HEMK2: variants seen among roughly 807,000 people sequenced by gnomAD.
HEMK2 encodes the protein methyltransferase HEMK2.
chr21:28,733,278 CA>C, the HEMK2 span, among the ~76,000 whole-genome samples: 1 of 152,116 alleles, frequency 6.6e-6, no homozygotes, highest in Non-Finnish European at 1.5e-5. Flanking sequence ...GACTCCGTCT[CA>C]AAAAACAAAC....
At chr21:28,756,284 C>T in the HEMK2 span, among the ~76,000 whole-genome samples, 12 of 152,194 alleles carry the variant, frequency 7.9e-5, no homozygotes, top group Non-Finnish European at 1.5e-4. Flanking sequence ...AGTGGTTTAA[C>T]TTCCAATCTC....
chr21:28,662,001 A>T, the HEMK2 span, among the ~76,000 whole-genome samples: 33 of 152,284 alleles, frequency 2.2e-4, no homozygotes, highest in South Asian at 6.4e-3. Context: ...TTGTTAACTA[A>T]GTATACATTT....
At chr21:28,684,018 C>T in the HEMK2 span, among the ~76,000 whole-genome samples, 2 of 152,126 alleles carry the variant, frequency 1.3e-5, no homozygotes, top group Non-Finnish European at 2.9e-5. Flanking sequence ...CAATAGACAC[C>T]AACATAAGCA....
the HEMK2 span, among the ~76,000 whole-genome samples, chr21:28,671,904 A>C: frequency 6.6e-6 from 1 of 152,274 alleles, no homozygotes; most frequent in Non-Finnish European, 1.5e-5. Context: ...AAAACCTTTA[A>C]TCCAATATAT....
chr21:28,871,423 C>T, the HEMK2 span, among the ~76,000 whole-genome samples: 1 of 152,158 alleles, frequency 6.6e-6, no homozygotes, highest in African/African-American at 2.4e-5. Flanking sequence ...CTCACTATCA[C>T]GACAACAGCA....
the HEMK2 span, among the ~76,000 whole-genome samples, chr21:28,753,515 G>A: frequency 6.6e-6 from 1 of 152,116 alleles, no homozygotes; most frequent in Non-Finnish European, 1.5e-5. Flanking sequence ...GTCATTATGG[G>A]AGCAGAAGGA....
At chr21:28,838,974 T>TAA in the HEMK2 span, among the ~76,000 whole-genome samples, 1 of 20,242 alleles carries the variant, frequency 4.9e-5, no homozygotes, top group South Asian at 1.8e-3. Flanking sequence ...AAAAAAAAAA[T>TAA]ATATATATAT....
the HEMK2 span, among the ~76,000 whole-genome samples, chr21:28,820,832 G>A: frequency 1.3e-5 from 2 of 152,066 alleles, no homozygotes; most frequent in Non-Finnish European, 2.9e-5. Context: ...TAAAAATGTG[G>A]GGAAGCTGAA....
the HEMK2 span, among the ~76,000 whole-genome samples, chr21:28,600,059 T>A: frequency 6.6e-6 from 1 of 152,216 alleles, no homozygotes; most frequent in South Asian, 2.1e-4. Context: ...CTGTGACTTT[T>A]CCAGGTGCAC....
At chr21:28,814,055 G>A in the HEMK2 span, among the ~76,000 whole-genome samples, 1 of 152,200 alleles carries the variant, frequency 6.6e-6, no homozygotes, top group East Asian at 1.9e-4. Flanking sequence ...GGCCAACATG[G>A]TGAAACCCCA....
chr21:28,641,725 A>G, the HEMK2 span, among the ~76,000 whole-genome samples: 12,670 of 152,290 alleles, frequency 0.083, 740 homozygotes, highest in South Asian at 0.16. Flanking sequence ...TTTTGCACAC[A>G]TAAGTGAAGC....
chr21:28,723,097 A>C, the HEMK2 span, among the ~76,000 whole-genome samples: 6 of 151,312 alleles, frequency 4.0e-5, no homozygotes, highest in Admixed American at 6.6e-5. Context: ...GCAGCCTCCA[A>C]CTCCTGGGCA....
the HEMK2 span, among the ~76,000 whole-genome samples, chr21:28,877,529 A>G: frequency 1.0e-5 from 1 of 99,886 alleles, no homozygotes; most frequent in African/African-American, 4.0e-5. Context: ...AAAAGAAAAG[A>G]GAAGAGAAGA....
the HEMK2 span, among the ~76,000 whole-genome samples, chr21:28,687,332 C>T: frequency 6.6e-6 from 1 of 152,216 alleles, no homozygotes; most frequent in African/African-American, 2.4e-5. Flanking sequence ...GACACACCGT[C>T]TCTTTGGACC....
chr21:28,709,031 C>T, the HEMK2 span, among the ~76,000 whole-genome samples: 10 of 152,136 alleles, frequency 6.6e-5, no homozygotes, highest in Non-Finnish European at 1.2e-4. Flanking sequence ...TTCCAGGTTG[C>T]AGACTGTCAT....
At chr21:28,868,880 T>C in the HEMK2 span, among the ~76,000 whole-genome samples, 23 of 152,288 alleles carry the variant, frequency 1.5e-4, no homozygotes, top group South Asian at 4.6e-3. Context: ...CCTCTTATTA[T>C]AATAAGTCAG....
the HEMK2 span, among the ~76,000 whole-genome samples, chr21:28,760,876 T>C: frequency 0.082 from 12,433 of 152,186 alleles, 1,162 homozygotes; most frequent in African/African-American, 0.22. Flanking sequence ...CTACTGTGTG[T>C]TTATTGTTTC....
chr21:28,620,971 C>T, the HEMK2 span, among the ~76,000 whole-genome samples: 1 of 151,906 alleles, frequency 6.6e-6, no homozygotes, highest in Non-Finnish European at 1.5e-5. Flanking sequence ...GCACCTGGCC[C>T]TCTTTTCTTC....
the HEMK2 span, chr21:28,674,933 T>C: frequency 5.3e-5 from 8 of 152,302 alleles, no homozygotes; most frequent in South Asian, 1.4e-3. Flanking sequence ...ACTTAATCAC[T>C]TCCCAAAAGG....
Sources: allele counts gnomAD v4.1 joint callset (sites outside exome capture counted in the v4.1 genomes callset), GRCh38; gene constraint gnomAD v4.1.1; transcripts MANE v1.5; gene names NCBI Gene and HGNC (gene_info 2026-07-23, HGNC 2026-07-21).